PYGO1: variants seen among roughly 807,000 people sequenced by gnomAD.
PYGO1 encodes pygopus homolog 1.
PYGO1 carries 6 observed loss-of-function variants against 29.5 expected under a neutral mutation model. The observed-to-expected ratio is 0.20, with a 90% CI of 0.11 to 0.40. The LOEUF (loss-of-function observed/expected upper bound fraction) is 0.40. Ranked by LOEUF, PYGO1 falls within the 10% of genes least tolerant of loss-of-function variation. The pLI is 1.00. For missense variants in PYGO1, 515 were observed against 514.9 expected (o/e 1.00, Z 0.00); for synonymous variants, 186 against 180.5 (o/e 1.03, Z -0.24).
intron 1 of PYGO1, among the ~76,000 whole-genome samples, chr15:55,557,830 A>G (rs1011727242): frequency 6.6e-6 from 1 of 152,238 alleles, no homozygotes; most frequent in Non-Finnish European, 1.5e-5. Flanking sequence ...TTAGGTATTG[A>G]TGGGACGTCT....
chr15:55,573,491 T>C (rs1271222657), intron 1 of PYGO1, among the ~76,000 whole-genome samples: 1 of 152,184 alleles, frequency 6.6e-6, no homozygotes, highest in Non-Finnish European at 1.5e-5. Context: ...CTTCTGGATA[T>C]ACACCCAAAG....
At chr15:55,569,573 G>A (rs746473727) in intron 1 of PYGO1, among the ~76,000 whole-genome samples, 1 of 152,158 alleles carries the variant, frequency 6.6e-6, no homozygotes, top group Non-Finnish European at 1.5e-5. Flanking sequence ...TCATTCAAGA[G>A]CAAGTTGTTT....
chr15:55,544,841 G>C lies in PYGO1; in HGVS notation c.*1182C>G, dbSNP rs1478850637. The C allele has an allele frequency of 1.3e-5, 2 of 151,446 alleles. No individual in the cohort carries two copies. The highest frequency in any genetic ancestry group is 4.9e-5 in the African/African-American group (2 of 41,180). The allele number at this position is 151,446 out of a possible 1,614,324, so 9.4% of individuals were successfully genotyped here. ...TCCAAAAATGGATTTCTGCTGTTTT[G>C]AATCTTAATGAGCACAACTCCAACT... On this transcript the variant is annotated 3_prime_UTR_variant, in exon 3 of 3. Coordinates refer to ENST00000563719, the MANE Select transcript of PYGO1 (RefSeq NM_001367806.1).
intron 1 of PYGO1, among the ~76,000 whole-genome samples, chr15:55,580,175 A>G (rs1009772401): frequency 4.6e-5 from 7 of 152,242 alleles, no homozygotes; most frequent in African/African-American, 1.7e-4. Flanking sequence ...CTCAGAAATC[A>G]TGGGGAACAA....
intron 1 of PYGO1, among the ~76,000 whole-genome samples, chr15:55,583,498 C>A (rs377330710): frequency 8.0e-6 from 1 of 125,228 alleles, no homozygotes; most frequent in East Asian, 2.6e-4. Context: ...TAATCTTTTA[C>A]CACATTTTTT....
chr15:55,556,869 C>T (rs2058908106), intron 1 of PYGO1, among the ~76,000 whole-genome samples: 1 of 151,724 alleles, frequency 6.6e-6, no homozygotes, highest in Admixed American at 6.6e-5. Context: ...TTATAAGCAC[C>T]TCTATGCACA....
intron 1 of PYGO1, among the ~76,000 whole-genome samples, chr15:55,564,385 A>G (rs557338774): frequency 6.6e-6 from 1 of 152,236 alleles, no homozygotes; most frequent in Non-Finnish European, 1.5e-5. Context: ...GAGACAAAAA[A>G]CAGATTAGTA....
In PYGO1 at chr15:55,588,034, G is replaced by C; in HGVS notation, c.-151C>G. ...GCCGAGGGCGGTGGGGACGCGGGCCGACTTTGCAAAGTTTGGGAGGAGGAC... is the reference window on the plus strand; with the variant it reads ...GCCGAGGGCGGTGGGGACGCGGGCCCACTTTGCAAAGTTTGGGAGGAGGAC... On this transcript the variant is annotated 5_prime_UTR_variant, in exon 1 of 3. Transcript: ENST00000563719. The C allele has an allele frequency of 8.1e-7, 1 of 1,234,862 alleles. No individual in the cohort carries two copies. The highest frequency in any genetic ancestry group is 1.0e-6 in the Non-Finnish European group (1 of 985,172). 76.5% of individuals were successfully genotyped at this position (1,234,862 alleles called of 1,614,324 possible).
At chr15:55,588,714 T>A (rs890729563), upstream of PYGO1, 1 of 1,430,928 alleles carries the variant, frequency 7.0e-7, no homozygotes, top group Non-Finnish European at 9.8e-7. Context: ...GGCCCAGCTT[T>A]CGCAAGGAAA....
chr15:55,560,752 G>A (rs1348876411), intron 1 of PYGO1, among the ~76,000 whole-genome samples: 1 of 152,086 alleles, frequency 6.6e-6, no homozygotes. Context: ...CACAAGGTCA[G>A]GAGTTTGAGA....
At chr15:55,560,213 G>A (rs991553007) in intron 1 of PYGO1, among the ~76,000 whole-genome samples, 2 of 152,164 alleles carry the variant, frequency 1.3e-5, no homozygotes, top group Non-Finnish European at 1.5e-5. Context: ...GAAATAAAGT[G>A]TATTCAAATA....
intron 1 of PYGO1, among the ~76,000 whole-genome samples, chr15:55,564,437 T>C (rs1456744104): frequency 2.6e-5 from 4 of 152,184 alleles, no homozygotes; most frequent in Non-Finnish European, 4.4e-5. Context: ...GGGAGTTACA[T>C]GGTATCTTTT....
In PYGO1 at chr15:55,588,170, G is replaced by T; in HGVS notation, c.-287C>A. 2 of 465,404 alleles carry T rather than the reference G, an allele frequency of 4.3e-6. No individual in the cohort carries two copies. Among genetic ancestry groups the T allele is most frequent in the Non-Finnish European group, 2.8e-6 (1 of 356,816 alleles). The allele number at this position is 465,404 out of a possible 1,614,324, so 28.8% of individuals were successfully genotyped here. A position where few individuals can be genotyped will look rare whatever the true frequency, so the allele number is the denominator to read the frequency against. On this transcript the variant is annotated 5_prime_UTR_variant, in exon 1 of 3. Transcript: ENST00000563719. ...GGCCCCCCACCCGGGGCCGGCATGT[G>T]CTGAGGGCGAGTGCGCCGCCGCCGC...
intron 1 of PYGO1, among the ~76,000 whole-genome samples, chr15:55,551,239 C>T (rs926603763): frequency 6.6e-6 from 1 of 152,156 alleles, no homozygotes; most frequent in South Asian, 2.1e-4. Context: ...TTTTGCAAGG[C>T]TGCTCCATAA....
In PYGO1 at chr15:55,547,136, G is replaced by A. The variant is rs775353014; in HGVS notation, c.147C>T (p.Phe49=). 11 of 1,591,788 alleles carry A rather than the reference G, an allele frequency of 6.9e-6. No homozygotes were observed. The highest frequency in any genetic ancestry group is 9.4e-6 in the Non-Finnish European group (11 of 1,169,460). Residue 49 remains phenylalanine, a synonymous_variant, in exon 3 of 3, where the codon TTC becomes TTT. Transcript: ENST00000563719. ...KRKANTQGPS[F]PPLSEYAPPP... ...GTGGAGCATACTCAGACAATGGAGGGAAAGAAGGTCCCTGAAATGAGAATG... is the reference window on the plus strand; with the variant it reads ...GTGGAGCATACTCAGACAATGGAGGAAAAGAAGGTCCCTGAAATGAGAATG...
intron 1 of PYGO1, among the ~76,000 whole-genome samples, chr15:55,552,293 T>C (rs2058882306): frequency 1.4e-5 from 2 of 147,106 alleles, no homozygotes; most frequent in Middle Eastern, 3.6e-3. Flanking sequence ...GACGCAGAGG[T>C]TCCACTGAGT....
At chr15:55,588,784 G>T (rs765590650), upstream of PYGO1, 52 of 1,612,286 alleles carry the variant, frequency 3.2e-5, no homozygotes, top group Non-Finnish European at 4.1e-5. Context: ...CGCAGCTAGG[G>T]ATCGGAAAGA....
Position 55,576,628 on chromosome 15 carries a change from G to A in PYGO1, c.49+11207C>T, listed in dbSNP as rs577823173. ...TCTACTAAAAGTACAAAAATTAGCC[G>A]GGCGTGGTGGTGGGTGCCTGTAATC... On this transcript the variant is annotated intron_variant, in intron 1 of 2. Transcript: ENST00000563719. Among the ~76,000 whole-genome samples, 65 of 150,730 alleles carry A rather than the reference G, an allele frequency of 4.3e-4. 1 individual carries two copies. Among genetic ancestry groups the A allele is most frequent in the Admixed American group, 1.3e-3 (19 of 15,154 alleles).
At chr15:55,565,081 C>A (rs1038507261) in intron 1 of PYGO1, among the ~76,000 whole-genome samples, 5 of 152,196 alleles carry the variant, frequency 3.3e-5, no homozygotes, top group South Asian at 4.1e-4. Context: ...CATAAAGAAG[C>A]CTTTGCTCTT....
Sources: allele counts gnomAD v4.1 joint callset (sites outside exome capture counted in the v4.1 genomes callset), GRCh38; gene constraint gnomAD v4.1.1; transcripts MANE v1.5; gene names NCBI Gene and HGNC (gene_info 2026-07-23, HGNC 2026-07-21).